Variants in NAV1 observed in about 807,000 individuals in gnomAD.
NAV1 encodes neuron navigator 1.
Under a neutral mutation model 175.2 loss-of-function variants are expected in NAV1, and 18 were observed. The ratio of observed to expected loss-of-function variants is 0.10; its 90% CI spans 0.07 to 0.15. NAV1 has a LOEUF of 0.15. NAV1 is among the 10% of genes least tolerant of loss of function. The pLI, the probability that NAV1 is intolerant of heterozygous loss-of-function variation, is 1.00. For missense variants in NAV1, 1,731 were observed against 2,436.6 expected (o/e 0.71, Z 6.10); for synonymous variants, 897 against 978.7 (o/e 0.92, Z 1.56).
At chr1:201,555,417 T>C (rs1248060326) in intron 1 of NAV1, among the ~76,000 whole-genome samples, 3 of 152,192 alleles carry the variant, frequency 2.0e-5, no homozygotes, top group Admixed American at 1.3e-4. Flanking sequence ...ATGTCTTCCC[T>C]AGATGTAAAT....
upstream of NAV1, among the ~76,000 whole-genome samples, chr1:201,645,314 C>T (rs975474838): frequency 2.7e-5 from 4 of 148,136 alleles, no homozygotes; most frequent in Non-Finnish European, 4.4e-5. Flanking sequence ...AAAAACCAAA[C>T]ACCGCATGTT....
intron 28 of NAV1, among the ~76,000 whole-genome samples, chr1:201,814,015 G>A (rs558713744): frequency 2.6e-5 from 4 of 152,170 alleles, no homozygotes; most frequent in South Asian, 2.1e-4. Flanking sequence ...CTGAGATCAC[G>A]CCACTGTACT....
In NAV1 at chr1:201,794,513, A is replaced by G. The variant is rs150114336; in HGVS notation, c.3453A>G (p.Lys1151=). The G allele has an allele frequency of 2.8e-4, 454 of 1,613,930 alleles. 5 individuals carry two copies. In the East Asian group the frequency reaches 7.7e-3, roughly 27 times the overall value. The change falls in exon 15 of 30, where the codon AAA becomes AAG. Residue 1151 remains lysine (K), a synonymous_variant. Coordinates refer to ENST00000367296, the Ensembl canonical transcript of NAV1. ...GAGAAACCATAGACTTTCTGAAGAAAAAGAACTCTGAGGCCCAGGCAGTCA... is the reference window on the plus strand; with the variant it reads ...GAGAAACCATAGACTTTCTGAAGAAGAAGAACTCTGAGGCCCAGGCAGTCA...
chr1:201,739,558 C>T (rs116090589), intron 3 of NAV1: 2,296 of 157,112 alleles, frequency 0.015, 42 homozygotes, highest in African/African-American at 0.05. Context: ...AGAAGTGGCT[C>T]GCTGCTCACA....
At chr1:201,629,910 A>C (rs1239256240) in intron 2 of NAV1, among the ~76,000 whole-genome samples, 4 of 152,224 alleles carry the variant, frequency 2.6e-5, no homozygotes, top group Non-Finnish European at 5.9e-5. Flanking sequence ...TTCCCCTTCC[A>C]GGACCACTTT....
intron 2 of NAV1, among the ~76,000 whole-genome samples, chr1:201,641,150 C>T (rs908045710): frequency 6.6e-6 from 1 of 152,200 alleles, no homozygotes; most frequent in African/African-American, 2.4e-5. Flanking sequence ...AATCTTAGAG[C>T]TGTCCAGGCC....
At chr1:201,753,216 C>T (rs527904246) in intron 3 of NAV1, among the ~76,000 whole-genome samples, 1 of 152,242 alleles carries the variant, frequency 6.6e-6, no homozygotes, top group East Asian at 1.9e-4. Flanking sequence ...TTAAAATGGT[C>T]TATTTTGGAG....
At chr1:201,660,988 G>C (rs191328308) in intron 1 of NAV1, among the ~76,000 whole-genome samples, 1 of 152,186 alleles carries the variant, frequency 6.6e-6, no homozygotes, top group South Asian at 2.1e-4. Flanking sequence ...ATTGGTGCAT[G>C]CTTGTTGACT....
chr1:201,681,560 T>C (rs1439605725), intron 1 of NAV1, among the ~76,000 whole-genome samples: 2 of 152,240 alleles, frequency 1.3e-5, no homozygotes, highest in Admixed American at 1.3e-4. Context: ...GCTGGACTCC[T>C]TGCTCTCCCC....
At chr1:201,822,942 G>A (rs1197389856) in exon 30 of NAV1, 1 of 152,652 alleles carries the variant, frequency 6.6e-6, no homozygotes, top group Non-Finnish European at 1.5e-5. Flanking sequence ...CCCACTCACT[G>A]CCCTAGAATT....
At position 201,605,275 on chromosome 1, in the gene NAV1, C is replaced by T. The variant is rs55871524; in HGVS notation, c.-33+16626C>T. On this transcript the variant is annotated intron_variant, in intron 2 of 33. Coordinates refer to the NAV1 transcript ENST00000685211. ...ACCTTGGCAGCCAATCCTGTACCTC[C>T]AGCATCTCGTTGCCTAGCAACCGGC... is the stretch of plus-strand genomic sequence containing the variant. Among the ~76,000 whole-genome samples, 1,466 of 152,018 alleles carry T rather than the reference C, an allele frequency of 9.6e-3. 19 individuals are homozygous for T. The highest frequency in any genetic ancestry group is 0.033 in the African/African-American group (1,365 of 41,420).
intron 29 of NAV1, among the ~76,000 whole-genome samples, chr1:201,818,801 T>C (rs1679221255): frequency 6.6e-6 from 1 of 152,246 alleles, no homozygotes; most frequent in Non-Finnish European, 1.5e-5. Context: ...CTTACAATTC[T>C]ATCTTTCCCA....
chr1:201,677,019 AG>A (rs1346572046), intron 1 of NAV1, among the ~76,000 whole-genome samples: 1 of 152,156 alleles, frequency 6.6e-6, no homozygotes, highest in African/African-American at 2.4e-5. Context: ...TAGGCGGCTG[AG>A]ATGGGTGGAT....
At chr1:201,789,094 G>A (rs1276657213) in intron 10 of NAV1, among the ~76,000 whole-genome samples, 1 of 152,118 alleles carries the variant, frequency 6.6e-6, no homozygotes, top group African/African-American at 2.4e-5. Context: ...CATCAGGGAG[G>A]GCCATCTGAT....
At chr1:201,637,112 T>C (rs1668635731) in intron 2 of NAV1, among the ~76,000 whole-genome samples, 2 of 152,214 alleles carry the variant, frequency 1.3e-5, no homozygotes, top group African/African-American at 4.8e-5. Context: ...TAATACCTCA[T>C]TCAAAAACCT....
At chr1:201,748,969 G>A (rs1430440240) in intron 3 of NAV1, among the ~76,000 whole-genome samples, 2 of 152,064 alleles carry the variant, frequency 1.3e-5, no homozygotes, top group East Asian at 1.9e-4. Flanking sequence ...CCAACATGAC[G>A]AAACCCAATC....
At chr1:201,641,613 A>G (rs1668754531) in intron 2 of NAV1, among the ~76,000 whole-genome samples, 2 of 152,224 alleles carry the variant, frequency 1.3e-5, no homozygotes, top group African/African-American at 2.4e-5. Flanking sequence ...GGGTGTTGGC[A>G]TCTGCTAGGC....
intron 1 of NAV1, among the ~76,000 whole-genome samples, chr1:201,557,839 G>C (rs1392939860): frequency 1.3e-5 from 2 of 152,182 alleles, no homozygotes; most frequent in Non-Finnish European, 2.9e-5. Flanking sequence ...TCTGGAGTTG[G>C]CTGTAGAAGG....
chr1:201,569,024 C>A (rs2102168727), intron 1 of NAV1, among the ~76,000 whole-genome samples: 1 of 152,312 alleles, frequency 6.6e-6, no homozygotes, highest in Middle Eastern at 3.4e-3. Flanking sequence ...CTCCCGGCTG[C>A]TTCCTGTTAG....
Sources: allele counts gnomAD v4.1 joint callset (sites outside exome capture counted in the v4.1 genomes callset), GRCh38; gene constraint gnomAD v4.1.1; transcripts MANE v1.5; gene names NCBI Gene and HGNC (gene_info 2026-07-23, HGNC 2026-07-21).